CSK: variants seen among roughly 807,000 people sequenced by gnomAD.
CSK encodes tyrosine-protein kinase CSK.
In CSK, 7 loss-of-function variants were observed where a neutral mutation model predicts 62.3. That is an observed-to-expected ratio of 0.11 (90% CI 0.06 to 0.21). The LOEUF is 0.21. CSK is among the 10% of genes least tolerant of loss of function. The pLI, the probability that CSK is intolerant of heterozygous loss-of-function variation, is 1.00. For missense variants in CSK, 294 were observed against 613.5 expected (o/e 0.48, Z 5.50); for synonymous variants, 237 against 246.0 (o/e 0.96, Z 0.34).
intron 11 of CSK, 46 bp downstream of exon 11, chr15:74,801,936 TG>T (rs1428224672): frequency 1.9e-6 from 3 of 1,610,058 alleles, no homozygotes; most frequent in Non-Finnish European, 2.5e-6. Flanking sequence ...GCAGGAGTCC[TG>T]GGTCACTCCC....
intron 1 of CSK, chr15:74,790,718 T>G (rs1161213812): frequency 1.3e-5 from 2 of 152,248 alleles, no homozygotes; most frequent in African/African-American, 4.8e-5. Context: ...CTTTTTTTCA[T>G]TCGTTCATTC....
chr15:74,786,965 C>T (rs1567214531), intron 1 of CSK, among the ~76,000 whole-genome samples: 2 of 152,222 alleles, frequency 1.3e-5, no homozygotes, highest in African/African-American at 2.4e-5. Context: ...CAACTGCCCT[C>T]CTGTCCCACA....
intron 1 of CSK, among the ~76,000 whole-genome samples, chr15:74,789,820 T>C (rs1003517392): frequency 6.6e-6 from 1 of 152,188 alleles, no homozygotes; most frequent in African/African-American, 2.4e-5. Context: ...TCACAATCTA[T>C]TGAGGCACTG....
At chr15:74,783,493 G>A (rs2063469247) in intron 1 of CSK, among the ~76,000 whole-genome samples, 1 of 152,186 alleles carries the variant, frequency 6.6e-6, no homozygotes, top group South Asian at 2.1e-4. Flanking sequence ...CTCAAAGGGA[G>A]AAGTTGCTAC....
At chr15:74,801,934 C>CA in intron 11 of CSK, 44 bp downstream of exon 11, 3 of 1,610,282 alleles carry the variant, frequency 1.9e-6, no homozygotes, top group Non-Finnish European at 1.7e-6. Context: ...GGGCAGGAGT[C>CA]CTGGGTCACT....
chr15:74,797,132 G>A (rs562240059), intron 1 of CSK, among the ~76,000 whole-genome samples: 4 of 152,184 alleles, frequency 2.6e-5, no homozygotes, highest in Middle Eastern at 3.4e-3. Flanking sequence ...AGTAGAGACC[G>A]GGTTTCGCCA....
rs372255756 is a variant in CSK at position 74,802,470 on chromosome 15, G to A, written c.1310G>A (p.Arg437Gln). ...ATGCGGCCCTCCTTCCTACAGCTCC[G>A]AGAGCAGCTTGAGCACATCAAAACC... ...AAMRPSFLQL[R>Q]EQLEHIKTHE... The change falls in exon 13 of 13, where the codon CGA (arginine) becomes CAA (glutamine). Residue 437 changes from arginine (R) to glutamine (Q), a missense_variant. Physicochemically the swap from Arg to Gln is conservative, Grantham distance 43. Transcript: ENST00000220003. 1.9e-6 allele frequency: 3 copies of A among 1,612,760 alleles called. No homozygotes were observed. The highest frequency in any genetic ancestry group is 1.3e-5 in the African/African-American group (1 of 74,928).
At chr15:74,784,845 C>A (rs1184186920) in intron 1 of CSK, among the ~76,000 whole-genome samples, 2 of 152,194 alleles carry the variant, frequency 1.3e-5, no homozygotes, top group South Asian at 4.1e-4. Context: ...AGGTCATCTT[C>A]AAAGAGCCAG....
chr15:74,788,196 T>G (rs952963805), intron 1 of CSK, among the ~76,000 whole-genome samples: 4 of 152,192 alleles, frequency 2.6e-5, no homozygotes, highest in Non-Finnish European at 5.9e-5. Flanking sequence ...TGTGTGTCCC[T>G]CGACAGGCTC....
rs1246893577 is a variant in CSK, at chr15:74,796,605, AAAAAG to A, written c.-65-1618_-65-1614del. Among the ~76,000 whole-genome samples, 25 of 152,186 alleles carry A rather than the reference AAAAAG, an allele frequency of 1.6e-4. 1 individual carries two copies. The South Asian group carries it at 3.7e-3, about 23-fold the overall frequency. ...TGAGACCCTTTCTCAAAAAAAAAAA[AAAAAG>A]AAAAGAAAAAGAAAAAATCCATGTG... On this transcript the variant is annotated intron_variant, in intron 1 of 12. Coordinates refer to ENST00000220003, the MANE Select transcript of CSK (RefSeq NM_004383.3).
chr15:74,802,313 G>C lies in CSK; in HGVS notation c.1171-18G>C. 1 of 1,566,254 alleles carries C rather than the reference G, an allele frequency of 6.4e-7. No homozygotes were observed. The highest frequency in any genetic ancestry group is 8.6e-7 in the Non-Finnish European group (1 of 1,162,032). ...GAGGCCAGGGCCTGGACTGACTCCT[G>C]CCTCCCCCTGGCCACAGCCCCTGAA... On this transcript the variant is annotated intron_variant, in intron 12 of 12. Transcript: ENST00000220003.
chr15:74,798,048 T>C lies in CSK; in HGVS notation c.-65-185T>C. 1 of 441,108 alleles carries C rather than the reference T, an allele frequency of 2.3e-6. No homozygotes were observed. The highest frequency in any genetic ancestry group is 4.1e-6 in the Non-Finnish European group (1 of 246,758). The allele number at this position is 441,108 out of a possible 1,614,324, so 27.3% of individuals were successfully genotyped here. ...TGGTGGCTCCCTCTGCCCCTGGGGG[T>C]CCTCAGCCCTCATGCTCCTCTACCC... On this transcript the variant is annotated intron_variant, in intron 1 of 12. Transcript: ENST00000220003. This position sits in a 1 kb window ranked among gnomAD's most constrained non-coding sequence, Gnocchi z 6.6.
rs150709274 is a variant in CSK, at chr15:74,794,080, C to A, written c.-65-4153C>A. The stretch of plus-strand genomic sequence containing the variant: ...TAAGAGGGTTAGAAGAGCTCACAAT[C>A]CTCCTTCCCTCCCCGCCACCCCCAC... On this transcript the variant is annotated intron_variant, in intron 1 of 12. Coordinates refer to ENST00000220003, the MANE Select transcript of CSK (RefSeq NM_004383.3). 1.3e-3 allele frequency among the ~76,000 whole-genome samples: 200 copies of A among 152,184 alleles called. 3 individuals are homozygous for A. In the East Asian group the frequency reaches 0.028, roughly 22 times the overall value.
chr15:74,800,929 G>A lies in CSK; in HGVS notation c.722+7G>A, dbSNP rs762468390. 3.1e-6 allele frequency: 5 copies of A among 1,612,940 alleles called. No homozygotes were observed. Among genetic ancestry groups the A allele is most frequent in the South Asian group, 1.1e-5 (1 of 91,084 alleles). The stretch of plus-strand genomic sequence containing the variant: ...CTGAAGCCTCAGTCATGACGTGAGT[G>A]GGGGCGGGGTAGGGGGGAGGTTGGC... On this transcript the variant is annotated splice_region_variant and intron_variant, in intron 8 of 12. Transcript: ENST00000220003.
chr15:74,791,600 AC>A (rs36069604), intron 1 of CSK, among the ~76,000 whole-genome samples: 66 of 152,130 alleles, frequency 4.3e-4, no homozygotes, highest in Non-Finnish European at 7.2e-4. Flanking sequence ...CCCCCCGACC[AC>A]CCCTTGATAT....
intron 1 of CSK, among the ~76,000 whole-genome samples, chr15:74,795,264 C>G (rs1246640895): frequency 6.6e-6 from 1 of 152,160 alleles, no homozygotes; most frequent in African/African-American, 2.4e-5. Flanking sequence ...CTTCACACCC[C>G]CAGCACTTTG....
rs1479570035 is a variant in CSK at position 74,802,030 on chromosome 15, G to A, written c.1117G>A (p.Gly373Arg). The A allele has an allele frequency of 1.2e-6, 2 of 1,614,100 alleles. No homozygotes were observed. The highest frequency in any genetic ancestry group is 2.2e-5 in the East Asian group (1 of 44,886). Residue 373 changes from glycine (G) to arginine (R), a missense_variant, in exon 12 of 13, where the codon GGA (glycine) becomes AGA (arginine). Around this residue, in one of 3 missense-constraint regions of CSK, gnomAD observed 26 missense variants for 98.4 expected, o/e 0.26. Transcript: ENST00000220003. The stretch of plus-strand genomic sequence containing the variant: ...CACTAAGTCTGACGTGTGGAGTTTC[G>A]GAATCCTTCTCTGGGAAATCTACTC... ...FSTKSDVWSF[G>R]ILLWEIYSFG...
At chr15:74,788,576 T>TCCCATCTCCCTTA (rs1197665125) in intron 1 of CSK, 1 of 152,792 alleles carries the variant, frequency 6.5e-6, no homozygotes. Context: ...AGGAGTGTAC[T>TCCCATCTCCCTTA]GGTAACACCC....
intron 4 of CSK, 103 bp from the exon 5 acceptor site, chr15:74,799,169 C>T (rs1409062142): frequency 1.9e-5 from 24 of 1,255,316 alleles, no homozygotes; most frequent in African/African-American, 1.5e-4. Flanking sequence ...CCTGACTGAG[C>T]GAGTGCGAGC....
Sources: allele counts gnomAD v4.1 joint callset (sites outside exome capture counted in the v4.1 genomes callset), GRCh38; gene constraint gnomAD v4.1.1; regional missense constraint gnomAD v4.1.1; non-coding constraint Gnocchi (gnomAD v3.1); transcripts MANE v1.5; gene names NCBI Gene and HGNC (gene_info 2026-07-23, HGNC 2026-07-21).